Variants in SUMF2 observed in about 807,000 individuals in gnomAD.
SUMF2 encodes the protein sulfatase modifying factor 2, also known as inactive C-alpha-formylglycine-generating enzyme 2.
In SUMF2, 45 loss-of-function variants were observed where a neutral mutation model predicts 44.8. The ratio of observed to expected loss-of-function variants is 1.00; its 90% CI spans 0.79 to 1.29. The LOEUF (loss-of-function observed/expected upper bound fraction) is 1.29. SUMF2 is among the 50% of genes most tolerant of loss of function. The pLI is 0.00. For synonymous variants in SUMF2, 148 were observed against 150.4 expected, an observed-to-expected ratio of 0.98 and a Z score of 0.12; for missense variants, 418 against 389.9, an observed-to-expected ratio of 1.07 and a Z score of -0.61.
chr7:56,064,368 G>A lies in SUMF2; in HGVS notation c.57G>A (p.Trp19Ter). The change falls in exon 1 of 9, where the codon TGG (tryptophan) becomes TGA (stop). Residue 19 changes from tryptophan (W) to a stop codon, truncating the protein, a stop_gained. Transcript: ENST00000434526. LOFTEE classifies it high-confidence loss of function. ...LPLLSLLVGA[W>*]LKLGNGQATS... ...TGCTGTCGCTCCTGGTCGGCGCGTG[G>A]CTCAAGCTAGGTCAGTGAACCGGCC... 2 of 1,604,048 alleles carry A rather than the reference G, an allele frequency of 1.2e-6. No individual in the cohort carries two copies. The highest frequency in any genetic ancestry group is 1.1e-5 in the South Asian group (1 of 89,430).
chr7:56,087,056 A>G, the SUMF2 span: 51 of 1,591,494 alleles, frequency 3.2e-5, no homozygotes, highest in Admixed American at 6.7e-5. Flanking sequence ...TGTCTCAAGT[A>G]GCAGGGGAGC....
At chr7:56,083,813 A>G, downstream of SUMF2, 1 of 819,636 alleles carries the variant, frequency 1.2e-6, no homozygotes, top group Non-Finnish European at 2.1e-6. Context: ...TACCTCTAGA[A>G]GCTAAGTGGG....
At chr7:56,086,994 G>C in the SUMF2 span, 71 of 1,613,292 alleles carry the variant, frequency 4.4e-5, no homozygotes, top group Non-Finnish European at 5.9e-5. Flanking sequence ...GAAGAAGAAA[G>C]TGTTGGTCTC....
At chr7:56,083,798 CCT>C, downstream of SUMF2, 1 of 893,978 alleles carries the variant, frequency 1.1e-6, no homozygotes, top group Non-Finnish European at 1.8e-6. Flanking sequence ...TGCCTTCCAC[CCT>C]GATACCTCTA....
rs1230899146 is a variant in SUMF2, at chr7:56,074,602, C to T, written c.401C>T (p.Ser134Phe). The T allele has an allele frequency of 2.5e-6, 4 of 1,614,096 alleles. No homozygotes were observed. The highest frequency in any genetic ancestry group is 1.7e-5 in the Admixed American group (1 of 59,976). ...GGCTGTCAGCCTGCAGGTCCTGGCT[C>T]TGGCATCCGAGAGAGACTGGAGCAC... is the stretch of plus-strand genomic sequence containing the variant. ...AFWRQPAGPG[S>F]GIRERLEHPV... The change falls in exon 5 of 9, where the codon TCT (serine) becomes TTT (phenylalanine). Residue 134 changes from serine (S) to phenylalanine (F), a missense_variant. By Grantham distance (155) the Ser-to-Phe change is radical. Transcript: ENST00000434526.
chr7:56,084,208 T>G, downstream of SUMF2: 1 of 1,534,632 alleles, frequency 6.5e-7, no homozygotes, highest in South Asian at 1.2e-5. Context: ...CCAAGCACCA[T>G]TTCTGTTCCA....
At chr7:56,082,878 C>T (rs1362636554), downstream of SUMF2, among the ~76,000 whole-genome samples, 8 of 151,916 alleles carry the variant, frequency 5.3e-5, no homozygotes, top group East Asian at 1.9e-4. Context: ...GAGGCCGAGG[C>T]GGGCGGATCG....
chr7:56,068,150 C>G (rs779586509), intron 1 of SUMF2, among the ~76,000 whole-genome samples: 97 of 151,170 alleles, frequency 6.4e-4, no homozygotes, highest in Non-Finnish European at 1.3e-3. Context: ...TCTCCTGCCT[C>G]AGCCTCCCAA....
At chr7:56,083,491 A>G, downstream of SUMF2, 1 of 1,600,718 alleles carries the variant, frequency 6.2e-7, no homozygotes, top group South Asian at 1.1e-5. Context: ...GGGTCAGGTA[A>G]CAGGCAGGGA....
At chr7:56,077,089 C>T (rs1795612683) in intron 6 of SUMF2, among the ~76,000 whole-genome samples, 200 bp downstream of exon 6, 1 of 150,692 alleles carries the variant, frequency 6.6e-6, no homozygotes, top group Middle Eastern at 3.2e-3. Flanking sequence ...CTCTGTTGCC[C>T]ACGCTGGAGT....
At chr7:56,072,130 A>G (rs1480250243) in intron 2 of SUMF2, among the ~76,000 whole-genome samples, 3 of 149,100 alleles carry the variant, frequency 2.0e-5, no homozygotes, top group Admixed American at 6.7e-5. Context: ...TCAAAAAAAA[A>G]AAAAAAAAAT....
At chr7:56,087,878 A>G in the SUMF2 span, 2 of 904,014 alleles carry the variant, frequency 2.2e-6, no homozygotes, top group South Asian at 3.1e-5. Context: ...ACAGAGATTT[A>G]CACTTTCCCC....
chr7:56,068,710 T>G (rs983226187), intron 2 of SUMF2, 72 bp downstream of exon 2: 1 of 1,526,954 alleles, frequency 6.5e-7, no homozygotes, highest in Non-Finnish European at 8.7e-7. Context: ...CTTTTTTTTT[T>G]TTTTGTTTTT....
intron 4 of SUMF2, 41 bp from the exon 5 acceptor site, chr7:56,074,545 T>C: frequency 6.2e-7 from 1 of 1,606,640 alleles, no homozygotes; most frequent in Non-Finnish European, 8.5e-7. Flanking sequence ...TCCGACTTAA[T>C]GCGCTCCCGG....
rs969501878 is a variant in SUMF2 at position 56,079,891 on chromosome 7, A to G, written c.*279A>G. Reference sequence around the variant, plus strand: ...TATTGACACAGGATTGCAAACACACAAACAATTGGAACAGAGCACTCTGAA... The same window carrying G: ...TATTGACACAGGATTGCAAACACACGAACAATTGGAACAGAGCACTCTGAA... On this transcript the variant is annotated 3_prime_UTR_variant, in exon 9 of 9. Transcript: ENST00000434526. 135 of 1,525,290 alleles carry G rather than the reference A, an allele frequency of 8.9e-5. No homozygotes were observed. Among genetic ancestry groups the G allele is most frequent in the Non-Finnish European group, 1.1e-4 (130 of 1,132,176 alleles). 94.5% of individuals were successfully genotyped at this position (1,525,290 alleles called of 1,614,324 possible).
At chr7:56,085,952 C>T in the SUMF2 span, among the ~76,000 whole-genome samples, 49 of 146,540 alleles carry the variant, frequency 3.3e-4, no homozygotes, top group African/African-American at 1.0e-3. Flanking sequence ...CCAGCCTGGG[C>T]GACAATAGCA....
At chr7:56,080,727 C>A (rs1203135160), downstream of SUMF2, 2 of 362,490 alleles carry the variant, frequency 5.5e-6, no homozygotes, top group Non-Finnish European at 5.2e-6. Context: ...GCCTGAGTGT[C>A]AGTAACTCTG....
At chr7:56,070,794 C>G (rs948645209) in intron 2 of SUMF2, among the ~76,000 whole-genome samples, 2 of 152,050 alleles carry the variant, frequency 1.3e-5, no homozygotes, top group South Asian at 4.1e-4. Context: ...TATGGTATGT[C>G]CATACAATAA....
intron 3 of SUMF2, 77 bp from the exon 4 acceptor site, chr7:56,074,097 T>A (rs777813205): frequency 7.5e-7 from 1 of 1,326,016 alleles, no homozygotes; most frequent in Non-Finnish European, 1.1e-6. Flanking sequence ...GTCTCTGTTC[T>A]GCGTCCTGTG....
Sources: allele counts gnomAD v4.1 joint callset (sites outside exome capture counted in the v4.1 genomes callset), GRCh38; gene constraint gnomAD v4.1.1; transcripts MANE v1.5; gene names NCBI Gene and HGNC (gene_info 2026-07-23, HGNC 2026-07-21).